Variants in SNX29 observed in about 807,000 individuals in gnomAD.
The protein encoded by SNX29 is sorting nexin 29.
A neutral mutation model predicts 102.1 loss-of-function variants in SNX29; 78 were observed. The ratio of observed to expected loss-of-function variants is 0.76; its 90% CI spans 0.64 to 0.92. The LOEUF (loss-of-function observed/expected upper bound fraction) is 0.92, where lower values mean the gene tolerates loss of function less well. Among genes scored for constraint, SNX29 ranks in the 40% least tolerant of loss-of-function variants. The pLI is 0.00. For missense variants in SNX29, 1,280 were observed against 1,061.7 expected, an observed-to-expected ratio of 1.21 and a Z score of -2.86; for synonymous variants, 580 against 414.5, an observed-to-expected ratio of 1.40 and a Z score of -4.85.
At chr16:12,424,467 C>A (rs1481829898) in intron 18 of SNX29, among the ~76,000 whole-genome samples, 2 of 152,140 alleles carry the variant, frequency 1.3e-5, no homozygotes, top group Non-Finnish European at 2.9e-5. Flanking sequence ...TAGGGCCCTT[C>A]CTTGGGCGAC....
intron 7 of SNX29, 125 bp downstream of exon 7, chr16:12,048,745 T>C: frequency 6.6e-7 from 1 of 1,514,718 alleles, no homozygotes. Context: ...GCGTTTTCCA[T>C]TTGTGTTTCT....
At chr16:12,192,366 TC>T (rs2076664205) in intron 13 of SNX29, among the ~76,000 whole-genome samples, 1 of 152,224 alleles carries the variant, frequency 6.6e-6, no homozygotes, top group Non-Finnish European at 1.5e-5. Flanking sequence ...GGCTACCTCT[TC>T]GGTCCTCTCA....
chr16:12,164,275 A>G (rs1392321050), intron 13 of SNX29, among the ~76,000 whole-genome samples: 1 of 152,154 alleles, frequency 6.6e-6, no homozygotes, highest in Non-Finnish European at 1.5e-5. Flanking sequence ...GGTACGAAAT[A>G]AGGCATTTGA....
At position 12,509,346 on chromosome 16, in the gene SNX29, A is replaced by G. The variant is rs547637434; in HGVS notation, c.2179-15356A>G. Among the ~76,000 whole-genome samples the G allele has an allele frequency of 3.9e-5, 6 of 152,212 alleles. No individual in the cohort carries two copies. The East Asian group carries it at 9.7e-4, about 25-fold the overall frequency. ...CCTCAGCTGGTCCAGGGCCCACACC[A>G]CCCAAGCAGTTGCTTAGAGGGCTGG... On this transcript the variant is annotated intron_variant, in intron 19 of 20. Transcript: ENST00000566228.
intron 15 of SNX29, among the ~76,000 whole-genome samples, chr16:12,314,769 T>C (rs921410334): frequency 2.6e-5 from 4 of 152,168 alleles, no homozygotes; most frequent in African/African-American, 4.8e-5. Flanking sequence ...CTTGAATTGG[T>C]TCTGATTGAA....
At chr16:12,349,787 T>C (rs11867087) in intron 15 of SNX29, among the ~76,000 whole-genome samples, 6,643 of 152,292 alleles carry the variant, frequency 0.044, 472 homozygotes, top group African/African-American at 0.15. Flanking sequence ...TTTTTTTCAT[T>C]ATTTTTTATA....
At chr16:12,564,420 C>G (rs893481428) in intron 20 of SNX29, among the ~76,000 whole-genome samples, 3 of 152,152 alleles carry the variant, frequency 2.0e-5, no homozygotes, top group Non-Finnish European at 2.9e-5. Context: ...ATGATTGGCA[C>G]TATTATCCTC....
intron 3 of SNX29, among the ~76,000 whole-genome samples, chr16:12,025,333 G>C (rs2057159802): frequency 7.1e-6 from 1 of 141,584 alleles, no homozygotes; most frequent in African/African-American, 2.6e-5. Flanking sequence ...AAGTGCCTGT[G>C]TGTACAGAGA....
chr16:12,444,282 TAGCATGTAGTAAGCACTCAGTATAGCAC>T (rs1567569641), intron 18 of SNX29, among the ~76,000 whole-genome samples: 3 of 20,868 alleles, frequency 1.4e-4, no homozygotes, highest in Non-Finnish European at 2.7e-4. Context: ...GTATAGCACC[TAGCATGTAGTAAGCACTCAGTATAGCAC>T]CTAGCATGTA....
At chr16:12,558,924 C>G (rs989534091) in intron 20 of SNX29, among the ~76,000 whole-genome samples, 6 of 152,206 alleles carry the variant, frequency 3.9e-5, no homozygotes, top group Admixed American at 2.0e-4. Flanking sequence ...CTTGTTTAAT[C>G]TCATAGGTGG....
intron 14 of SNX29, among the ~76,000 whole-genome samples, chr16:12,233,004 C>T (rs912327992): frequency 6.6e-6 from 1 of 152,246 alleles, no homozygotes; most frequent in Non-Finnish European, 1.5e-5. Flanking sequence ...AACCCTGACC[C>T]TCACATGCAA....
At chr16:12,548,872 G>A (rs1032536896) in intron 20 of SNX29, among the ~76,000 whole-genome samples, 1 of 152,172 alleles carries the variant, frequency 6.6e-6, no homozygotes. Flanking sequence ...CAGGGCCCTT[G>A]GCCTGAACCC....
chr16:12,186,072 C>A (rs186121637), intron 13 of SNX29, among the ~76,000 whole-genome samples: 1 of 152,212 alleles, frequency 6.6e-6, no homozygotes, highest in Admixed American at 6.5e-5. Context: ...ATTTAATATG[C>A]TGTTTTTATA....
intron 19 of SNX29, among the ~76,000 whole-genome samples, chr16:12,487,224 G>C (rs1268636291): frequency 1.3e-5 from 2 of 152,148 alleles, no homozygotes; most frequent in Non-Finnish European, 2.9e-5. Context: ...GTAGTGAAGT[G>C]GGGCGAGCAG....
chr16:12,305,039 G>A lies in SNX29; in HGVS notation c.1782+27003G>A, dbSNP rs543315681. Among the ~76,000 whole-genome samples the A allele has an allele frequency of 3.3e-5, 5 of 152,320 alleles. No homozygotes were observed. The East Asian group carries it at 5.8e-4, about 18-fold the overall frequency. On this transcript the variant is annotated intron_variant, in intron 15 of 20. Transcript: ENST00000566228. ...ATAATTTAGAAGGCAGTTAAAGAGC[G>A]TGCTGTGCCTCAAGGCTGTAATTAG...
chr16:12,329,995 C>A (rs1291375367), intron 15 of SNX29, among the ~76,000 whole-genome samples: 2 of 152,202 alleles, frequency 1.3e-5, no homozygotes, highest in Non-Finnish European at 2.9e-5. Context: ...GAGACACTAT[C>A]CTGATGGGCA....
intron 14 of SNX29, among the ~76,000 whole-genome samples, chr16:12,221,238 G>T (rs2077468740): frequency 6.6e-6 from 1 of 152,098 alleles, no homozygotes; most frequent in Admixed American, 6.6e-5. Flanking sequence ...GGAGAGATTG[G>T]AGGGTGGGGG....
At chr16:12,121,123 C>G (rs1043987293) in intron 11 of SNX29, among the ~76,000 whole-genome samples, 4 of 152,248 alleles carry the variant, frequency 2.6e-5, no homozygotes, top group Admixed American at 6.5e-5. Flanking sequence ...CACGTGTGTT[C>G]TGTGCTGGGC....
intron 11 of SNX29, chr16:12,093,841 C>G (rs2151417592): frequency 6.6e-6 from 1 of 152,302 alleles, no homozygotes; most frequent in South Asian, 2.1e-4. Flanking sequence ...CGTGGATTTT[C>G]CTGGGGAGAA....
Sources: gnomAD v4.1 joint callset for allele counts (sites outside exome capture counted in the v4.1 genomes callset) on GRCh38, gnomAD v4.1.1 for gene constraint, MANE v1.5 for transcripts, NCBI Gene and HGNC (gene_info 2026-07-23, HGNC 2026-07-21) for gene names.